UBE2E1: variants seen among roughly 807,000 people sequenced by gnomAD.
The protein encoded by UBE2E1 is ubiquitin conjugating enzyme E2 E1.
Under a neutral mutation model 21.4 loss-of-function variants are expected in UBE2E1, and 6 were observed. The ratio of observed to expected loss-of-function variants is 0.28; its 90% CI spans 0.15 to 0.55. The LOEUF (loss-of-function observed/expected upper bound fraction) is 0.55. UBE2E1 is among the 20% of genes least tolerant of loss of function. UBE2E1 has a pLI of 0.93. For missense variants in UBE2E1, 142 were observed against 236.5 expected (o/e 0.60, Z 2.62); for synonymous variants, 87 against 82.7 (o/e 1.05, Z -0.28).
intron 3 of UBE2E1, among the ~76,000 whole-genome samples, chr3:23,852,825 G>A (rs1177337354): frequency 2.6e-5 from 4 of 152,060 alleles, no homozygotes; most frequent in Non-Finnish European, 2.9e-5. Flanking sequence ...GGCTGGTCAC[G>A]AACTCCTGGG....
Position 23,808,616 on chromosome 3 carries a change from G to T in UBE2E1, c.152+1195G>T, listed in dbSNP as rs1699324870. ...TTTGGTGACCTAACCATGGGCTGAT[G>T]AAGGAGTGACTTTTAAAAAATAGTG... is the stretch of plus-strand genomic sequence containing the variant. On this transcript the variant is annotated intron_variant, in intron 2 of 5. Transcript: ENST00000306627. The surrounding 1 kb of genome is among the most constrained non-coding windows in gnomAD (Gnocchi z 4.9). 1 of 152,216 alleles carries T rather than the reference G, an allele frequency of 6.6e-6. No homozygotes were observed. The highest frequency in any genetic ancestry group is 2.4e-5 in the African/African-American group (1 of 41,444). 9.4% of individuals were successfully genotyped at this position (152,216 alleles called of 1,614,324 possible). A position where few individuals can be genotyped will look rare whatever the true frequency, so the allele number is the denominator to read the frequency against.
At chr3:23,824,869 G>A (rs1699722283) in intron 3 of UBE2E1, among the ~76,000 whole-genome samples, 1 of 152,018 alleles carries the variant, frequency 6.6e-6, no homozygotes, top group South Asian at 2.1e-4. Context: ...GAAATTTCTT[G>A]TGGACAGTGC....
At chr3:23,865,029 A>G (rs1700626006) in intron 3 of UBE2E1, among the ~76,000 whole-genome samples, 1 of 152,256 alleles carries the variant, frequency 6.6e-6, no homozygotes, top group African/African-American at 2.4e-5. Context: ...GTAACAAATT[A>G]CTGCAAATTT....
At chr3:23,812,533 C>G (rs1253947836) in intron 3 of UBE2E1, among the ~76,000 whole-genome samples, 2 of 152,102 alleles carry the variant, frequency 1.3e-5, no homozygotes, top group Non-Finnish European at 2.9e-5. Flanking sequence ...AAAACTATTG[C>G]CGTTTTGGTT....
intron 3 of UBE2E1, among the ~76,000 whole-genome samples, chr3:23,841,826 C>A (rs939316922): frequency 9.9e-5 from 15 of 152,268 alleles, no homozygotes; most frequent in African/African-American, 3.6e-4. Context: ...ATGCAGCTGA[C>A]AGTCACAGTT....
chr3:23,852,249 G>A (rs1700341516), intron 3 of UBE2E1, among the ~76,000 whole-genome samples: 1 of 152,090 alleles, frequency 6.6e-6, no homozygotes, highest in Non-Finnish European at 1.5e-5. Flanking sequence ...CATGATTCAT[G>A]AACATTAAAT....
chr3:23,885,338 G>A (rs1050783000), intron 3 of UBE2E1, among the ~76,000 whole-genome samples: 1 of 152,152 alleles, frequency 6.6e-6, no homozygotes, highest in African/African-American at 2.4e-5. Context: ...AAACATGTAG[G>A]CAGGTAGGCA....
intron 3 of UBE2E1, among the ~76,000 whole-genome samples, chr3:23,829,212 A>G (rs1368319497): frequency 6.7e-6 from 1 of 149,676 alleles, no homozygotes; most frequent in Non-Finnish European, 1.5e-5. Context: ...CTAGGCTGGA[A>G]TGCAATGGTG....
intron 3 of UBE2E1, among the ~76,000 whole-genome samples, chr3:23,819,580 T>C (rs942505185): frequency 6.6e-6 from 1 of 152,202 alleles, no homozygotes; most frequent in Non-Finnish European, 1.5e-5. Flanking sequence ...ATTATGTCTT[T>C]ATATCCCTAC....
intron 3 of UBE2E1, among the ~76,000 whole-genome samples, chr3:23,860,215 C>T (rs1315297626): frequency 6.6e-6 from 1 of 152,322 alleles, no homozygotes; most frequent in Admixed American, 6.5e-5. Flanking sequence ...TGAAGATGAA[C>T]GTTCTGACCC....
chr3:23,854,355 T>A (rs1334550225), intron 3 of UBE2E1, among the ~76,000 whole-genome samples: 7 of 152,110 alleles, frequency 4.6e-5, no homozygotes, highest in African/African-American at 1.7e-4. Context: ...TTGGGAGGGA[T>A]GTTTTTAAAG....
intron 3 of UBE2E1, among the ~76,000 whole-genome samples, chr3:23,846,244 T>G (rs1201997240): frequency 6.6e-6 from 1 of 152,246 alleles, no homozygotes; most frequent in East Asian, 1.9e-4. Flanking sequence ...TTTGGTTTTT[T>G]AAATTCCTTT....
At chr3:23,838,828 A>G (rs1278341585) in intron 3 of UBE2E1, among the ~76,000 whole-genome samples, 4 of 150,672 alleles carry the variant, frequency 2.7e-5, no homozygotes, top group African/African-American at 7.3e-5. Context: ...ATTAATTTTC[A>G]ATTTATCCTA....
chr3:23,874,360 A>G (rs1700870884), intron 3 of UBE2E1, among the ~76,000 whole-genome samples: 1 of 152,210 alleles, frequency 6.6e-6, no homozygotes, highest in South Asian at 2.1e-4. Flanking sequence ...AGTCTGAACA[A>G]GATGCTCTGC....
At chr3:23,873,826 T>C (rs567615560) in intron 3 of UBE2E1, among the ~76,000 whole-genome samples, 13 of 152,272 alleles carry the variant, frequency 8.5e-5, no homozygotes, top group African/African-American at 2.9e-4. Flanking sequence ...CCTTCATAAA[T>C]AGGGTAACCA....
chr3:23,869,399 T>C (rs1326946820), intron 3 of UBE2E1, among the ~76,000 whole-genome samples: 5 of 126,908 alleles, frequency 3.9e-5, no homozygotes, highest in African/African-American at 1.8e-4. Context: ...TTTTATGTAG[T>C]CAGATCTGTT....
chr3:23,859,176 T>G (rs890027266), intron 3 of UBE2E1, among the ~76,000 whole-genome samples: 1 of 152,204 alleles, frequency 6.6e-6, no homozygotes, highest in Non-Finnish European at 1.5e-5. Flanking sequence ...TCAGCCTGCC[T>G]TTGCCTGAGG....
At chr3:23,845,403 A>G (rs1003297661) in intron 3 of UBE2E1, among the ~76,000 whole-genome samples, 1 of 152,166 alleles carries the variant, frequency 6.6e-6, no homozygotes, top group Non-Finnish European at 1.5e-5. Context: ...TTATTTAGCA[A>G]TGAAATTGTA....
At chr3:23,807,086 C>G in intron 1 of UBE2E1, 151 bp from the exon 2 acceptor site, 1 of 586,398 alleles carries the variant, frequency 1.7e-6, no homozygotes, top group South Asian at 2.8e-5. Flanking sequence ...TTGCAAAAGC[C>G]TTAATGGGCC....
Sources: gnomAD v4.1 joint callset for allele counts (sites outside exome capture counted in the v4.1 genomes callset) on GRCh38, gnomAD v4.1.1 for gene constraint, Gnocchi (gnomAD v3.1) non-coding constraint, MANE v1.5 for transcripts, NCBI Gene and HGNC (gene_info 2026-07-23, HGNC 2026-07-21) for gene names.